Variants in LYRM9 observed in about 807,000 individuals in gnomAD.
LYRM9 encodes LYR motif containing 9.
A neutral mutation model predicts 12.6 loss-of-function variants in LYRM9; 14 were observed. The ratio of observed to expected loss-of-function variants is 1.11; its 90% CI spans 0.73 to 1.73. The LOEUF (loss-of-function observed/expected upper bound fraction) is 1.73, where lower values mean the gene tolerates loss of function less well. Ranked by LOEUF, LYRM9 falls within the 40% of genes most tolerant of loss-of-function variation. The pLI, the probability that LYRM9 is intolerant of heterozygous loss-of-function variation, is 0.00. For synonymous variants in LYRM9, 42 were observed against 35.1 expected (o/e 1.20, Z -0.69); for missense variants, 94 against 95.0 (o/e 0.99, Z 0.04).
At chr17:27,891,628 G>A (rs1905452708) in intron 1 of LYRM9, among the ~76,000 whole-genome samples, 1 of 152,128 alleles carries the variant, frequency 6.6e-6, no homozygotes, top group Admixed American at 6.5e-5. Flanking sequence ...ATCCCATGCT[G>A]TTCACACCCC....
At chr17:27,885,657 C>T (rs1905206820) in intron 1 of LYRM9, among the ~76,000 whole-genome samples, 1 of 136,242 alleles carries the variant, frequency 7.3e-6, no homozygotes. Context: ...GCTGTGATCA[C>T]ACCACGGCAC....
rs1905227723 is a variant in LYRM9, at chr17:27,886,224, C to G, written c.-18-3512G>C. Among the ~76,000 whole-genome samples, 1 of 152,184 alleles carries G rather than the reference C, an allele frequency of 6.6e-6. No individual in the cohort carries two copies. The highest frequency in any genetic ancestry group is 2.4e-5 in the African/African-American group (1 of 41,442). ...GAAAGAGCACAACTTTGTTTCATTACTTAAAAACTCAAGCAATACTTAGTA... is the reference window on the plus strand; with the variant it reads ...GAAAGAGCACAACTTTGTTTCATTAGTTAAAAACTCAAGCAATACTTAGTA... On this transcript the variant is annotated intron_variant, in intron 1 of 3. Coordinates refer to ENST00000379102, the MANE Select transcript of LYRM9 (RefSeq NM_001076680.3). The surrounding 1 kb of genome is among the most constrained non-coding windows in gnomAD (Gnocchi z 4.8).
rs187337413 is a variant in LYRM9, at chr17:27,879,452, G to A, written c.*21C>T. 4,873 of 1,550,730 alleles carry A rather than the reference G, an allele frequency of 3.1e-3. 12 individuals are homozygous for A. Among genetic ancestry groups the A allele is most frequent in the Admixed American group, 6.5e-3 (329 of 50,962 alleles). On this transcript the variant is annotated 3_prime_UTR_variant, in exon 4 of 4. Coordinates refer to ENST00000379102, the MANE Select transcript of LYRM9 (RefSeq NM_001076680.3). ...GGGCCTCTCAACTTCCAGAGGCCAG[G>A]AAGGCTCACCCTCGGAGCTCTCAGT...
At chr17:27,885,520 G>C (rs545918890) in intron 1 of LYRM9, among the ~76,000 whole-genome samples, 20 of 152,094 alleles carry the variant, frequency 1.3e-4, no homozygotes, top group Admixed American at 9.2e-4. Flanking sequence ...AGACCAACCT[G>C]AGCAACACAG....
At chr17:27,885,373 T>A (rs903859224) in intron 1 of LYRM9, among the ~76,000 whole-genome samples, 2 of 152,066 alleles carry the variant, frequency 1.3e-5, no homozygotes, top group African/African-American at 4.8e-5. Flanking sequence ...CATAGCCACA[T>A]AGCAGAAGGC....
intron 1 of LYRM9, among the ~76,000 whole-genome samples, chr17:27,888,378 T>C (rs1445158973): frequency 2.0e-5 from 3 of 152,232 alleles, no homozygotes; most frequent in Non-Finnish European, 4.4e-5. Context: ...GGTATCCACC[T>C]GCCCTCAGGC....
At chr17:27,879,537 C>T (rs1205762511) in intron 3 of LYRM9, 47 bp from the exon 4 acceptor site, 2 of 1,545,324 alleles carry the variant, frequency 1.3e-6, no homozygotes, top group Non-Finnish European at 1.7e-6. Context: ...CCAACAGGGG[C>T]AGGAGGACTC....
intron 2 of LYRM9, 76 bp from the exon 3 acceptor site, chr17:27,880,442 C>T: frequency 9.7e-7 from 1 of 1,027,742 alleles, no homozygotes; most frequent in East Asian, 2.6e-5. Flanking sequence ...CAATCACAGG[C>T]CAGGGACACT....
intron 1 of LYRM9, among the ~76,000 whole-genome samples, chr17:27,888,028 A>T (rs1045690524): frequency 2.0e-5 from 3 of 152,198 alleles, no homozygotes; most frequent in Non-Finnish European, 4.4e-5. Context: ...TCCATCGAAC[A>T]ATTTAAATGT....
In LYRM9 at chr17:27,878,695, T is replaced by C. The variant is rs1053502322; in HGVS notation, c.*778A>G. 5.3e-5 allele frequency: 8 copies of C among 152,232 alleles called. No homozygotes were observed. The highest frequency in any genetic ancestry group is 1.0e-4 in the Non-Finnish European group (7 of 68,096). The allele number at this position is 152,232 out of a possible 1,614,324, so 9.4% of individuals were successfully genotyped here. ...ATGGCAGCTGCTTTGGCGTCTCTCCTTGGTTCATGTGGTGGGCACTTCACC... is the reference window on the plus strand; with the variant it reads ...ATGGCAGCTGCTTTGGCGTCTCTCCCTGGTTCATGTGGTGGGCACTTCACC... On this transcript the variant is annotated 3_prime_UTR_variant, in exon 4 of 4. Coordinates refer to ENST00000379102, the MANE Select transcript of LYRM9 (RefSeq NM_001076680.3).
In LYRM9 at chr17:27,879,589, T is replaced by A. The variant is rs887021142; in HGVS notation, c.220-99A>T. The A allele has an allele frequency of 5.2e-6, 7 of 1,335,808 alleles. No individual in the cohort carries two copies. In the African/African-American group the frequency reaches 1.0e-4, roughly 20 times the overall value. The allele number at this position is 1,335,808 out of a possible 1,614,324, so 82.7% of individuals were successfully genotyped here. A position where few individuals can be genotyped will look rare whatever the true frequency, so the allele number is the denominator to read the frequency against. ...CTCCATCATCTGGACCTCACCTGCC[T>A]CCTGCAGGGGCTTCTTGGAGGTGGT... On this transcript the variant is annotated intron_variant, in intron 3 of 3. Transcript: ENST00000379102.
chr17:27,890,473 C>T (rs1308842723), intron 1 of LYRM9, among the ~76,000 whole-genome samples: 9 of 152,052 alleles, frequency 5.9e-5, no homozygotes, highest in African/African-American at 2.2e-4. Context: ...TAAAGAAATG[C>T]TTAACAACAA....
intron 1 of LYRM9, among the ~76,000 whole-genome samples, chr17:27,889,371 A>C (rs7220420): frequency 6.6e-6 from 1 of 151,394 alleles, no homozygotes; most frequent in Non-Finnish European, 1.5e-5. Flanking sequence ...GCAATGGCGC[A>C]ATCTTGGCTC....
intron 1 of LYRM9, among the ~76,000 whole-genome samples, chr17:27,890,343 T>TC (rs1211682141): frequency 6.6e-6 from 1 of 152,110 alleles, no homozygotes; most frequent in African/African-American, 2.4e-5. Context: ...CTCCATGCCT[T>TC]TCTGAAACCC....
At chr17:27,887,737 TG>T (rs1905284141) in intron 1 of LYRM9, among the ~76,000 whole-genome samples, 3 of 151,634 alleles carry the variant, frequency 2.0e-5, no homozygotes, top group African/African-American at 7.3e-5. Flanking sequence ...TGTGTGTGTG[TG>T]TGTGTGTGTG....
intron 1 of LYRM9, chr17:27,892,784 A>C (rs1372818629): frequency 5.9e-6 from 1 of 168,594 alleles, no homozygotes; most frequent in African/African-American, 2.4e-5. Context: ...AGATGGGTGA[A>C]CTGTATGCTT....
Position 27,880,008 on chromosome 17 carries a change from C to A in LYRM9, c.219+266G>T, listed in dbSNP as rs1023800493. ...AGCTTTCCCTCCTTCTTCCTGCTGC[C>A]CCCTCTCAGCTCGATCAGCACTGTT... On this transcript the variant is annotated intron_variant, in intron 3 of 3. Coordinates refer to ENST00000379102, the MANE Select transcript of LYRM9 (RefSeq NM_001076680.3). 1.5e-5 allele frequency: 10 copies of A among 650,150 alleles called. No homozygotes were observed. The African/African-American group carries it at 1.8e-4, about 12-fold the overall frequency. 40.3% of individuals were successfully genotyped at this position (650,150 alleles called of 1,614,324 possible).
In LYRM9 at chr17:27,886,305, T is replaced by A. The variant is rs1163472320; in HGVS notation, c.-18-3593A>T. 6.6e-6 allele frequency among the ~76,000 whole-genome samples: 1 copy of A among 152,218 alleles called. No homozygotes were observed. Among genetic ancestry groups the A allele is most frequent in the Admixed American group, 6.5e-5 (1 of 15,286 alleles). ...TTTTCAGCTCAATTATAATACTTAG[T>A]CATTCTCAGTAATAACTAGTAGAGA... On this transcript the variant is annotated intron_variant, in intron 1 of 3. Coordinates refer to ENST00000379102, the MANE Select transcript of LYRM9 (RefSeq NM_001076680.3). The surrounding 1 kb of genome is among the most constrained non-coding windows in gnomAD (Gnocchi z 4.8).
intron 1 of LYRM9, among the ~76,000 whole-genome samples, chr17:27,884,947 C>A (rs545786638): frequency 1.3e-5 from 2 of 152,182 alleles, no homozygotes; most frequent in Non-Finnish European, 2.9e-5. Context: ...CTCCTTCATT[C>A]CATTTACATC....
Sources: allele counts gnomAD v4.1 joint callset (sites outside exome capture counted in the v4.1 genomes callset), GRCh38; gene constraint gnomAD v4.1.1; non-coding constraint Gnocchi (gnomAD v3.1); transcripts MANE v1.5; gene names NCBI Gene and HGNC (gene_info 2026-07-23, HGNC 2026-07-21).